The following LMNA variants were observed in gnomAD, a reference collection of about 807,000 sequenced individuals.
LMNA encodes the protein lamin.
LMNA carries 20 observed loss-of-function variants against 70.4 expected under a neutral mutation model. The observed-to-expected ratio is 0.28, with a 90% CI of 0.20 to 0.41. The LOEUF is 0.41. Among genes scored for constraint, LMNA ranks in the 10% least tolerant of loss-of-function variants. The pLI, the probability that LMNA is intolerant of heterozygous loss-of-function variation, is 1.00. For synonymous variants in LMNA, 339 were observed against 372.8 expected (o/e 0.91, Z 1.04); for missense variants, 652 against 917.2 (o/e 0.71, Z 3.73).
intron 3 of LMNA, among the ~76,000 whole-genome samples, chr1:156,093,298 A>AG (rs1399858052): frequency 3.6e-4 from 49 of 137,228 alleles, no homozygotes; most frequent in South Asian, 9.1e-4. Context: ...TTTATATGTC[A>AG]ATTTTTTTTT....
chr1:156,124,446 G>A (rs1372144752), intron 1 of LMNA, among the ~76,000 whole-genome samples: 2 of 152,142 alleles, frequency 1.3e-5, no homozygotes, highest in Non-Finnish European at 2.9e-5. Context: ...CCGCCACCAT[G>A]CCTGGCTAAT....
At position 156,137,957 on chromosome 1, in the gene LMNA, T is replaced by A; in HGVS notation, c.1698+214T>A. ...TGCCCTACTCTGGTAAGGAAGGGAG[T>A]GGGAACTTTCTGATGCCATGGAATA... On this transcript the variant is annotated intron_variant, in intron 10 of 11. Transcript: ENST00000368300. This position sits in a 1 kb window ranked among gnomAD's most constrained non-coding sequence, Gnocchi z 4.6. The A allele has an allele frequency of 1.0e-6, 1 of 989,616 alleles. No homozygotes were observed. The highest frequency in any genetic ancestry group is 1.7e-5 in the South Asian group (1 of 59,232). 61.3% of individuals were successfully genotyped at this position (989,616 alleles called of 1,614,324 possible).
At chr1:156,101,792 G>C (rs1169153003) in intron 3 of LMNA, among the ~76,000 whole-genome samples, 2 of 152,224 alleles carry the variant, frequency 1.3e-5, no homozygotes, top group Non-Finnish European at 2.9e-5. Flanking sequence ...GAGCAGACCA[G>C]AGAGCTGGAG....
rs1404811179 is a variant in LMNA, at chr1:156,114,891, C to T, written c.-28C>T. 12 of 1,484,916 alleles carry T rather than the reference C, an allele frequency of 8.1e-6. No individual in the cohort carries two copies. The highest frequency in any genetic ancestry group is 1.1e-5 in the Non-Finnish European group (12 of 1,106,134). 92.0% of individuals were successfully genotyped at this position (1,484,916 alleles called of 1,614,324 possible). On this transcript the variant is annotated 5_prime_UTR_variant, in exon 1 of 12. Coordinates refer to ENST00000368300, the MANE Select transcript of LMNA (RefSeq NM_170707.4). ...CGCGCCCTTTCCGGGACCCCTGCCC[C>T]GCGGGCAGCGCTGCCAACCTGCCGG...
intron 3 of LMNA, among the ~76,000 whole-genome samples, chr1:156,105,708 G>T (rs1649306662): frequency 6.6e-6 from 1 of 152,148 alleles, no homozygotes; most frequent in Non-Finnish European, 1.5e-5. Flanking sequence ...CTTTCCACAT[G>T]ATCCCATGTC....
In LMNA at chr1:156,130,602, C is replaced by T. The variant is rs779619961; in HGVS notation, c.357-15C>T. 1.9e-6 allele frequency: 3 copies of T among 1,613,570 alleles called. No homozygotes were observed. The highest frequency in any genetic ancestry group is 1.7e-5 in the Admixed American group (1 of 60,010). On this transcript the variant is annotated splice_polypyrimidine_tract_variant and intron_variant, in intron 1 of 11. Coordinates refer to ENST00000368300, the MANE Select transcript of LMNA (RefSeq NM_170707.4). ...GACTCCTTCTCTTAAATCTACTCTC[C>T]CCTCTCTTCTTTAGCAATACCAAGA...
rs1649720033 is a variant in LMNA at position 156,115,083 on chromosome 1, G to A, written c.165G>A (p.Glu55=). 1 of 1,596,258 alleles carries A rather than the reference G, an allele frequency of 6.3e-7. No individual in the cohort carries two copies. The highest frequency in any genetic ancestry group is 8.5e-7 in the Non-Finnish European group (1 of 1,171,594). The part of the protein sequence containing the change: ...YIDRVRSLET[E]NAGLRLRITE... ...ACCGTGTGCGCTCGCTGGAAACGGA[G>A]AACGCAGGGCTGCGCCTTCGCATCA... Residue 55 remains glutamate, a synonymous_variant, in exon 1 of 12, where the codon GAG becomes GAA. Coordinates refer to ENST00000368300, the MANE Select transcript of LMNA (RefSeq NM_170707.4). The surrounding 1 kb of genome is among the most constrained non-coding windows in gnomAD (Gnocchi z 5.8).
upstream of LMNA, among the ~76,000 whole-genome samples, chr1:156,113,486 G>A (rs542510666): frequency 8.3e-4 from 126 of 152,240 alleles, no homozygotes; most frequent in African/African-American, 2.9e-3. Flanking sequence ...GAGTGATCTC[G>A]TTTTGTGAGA....
intron 3 of LMNA, among the ~76,000 whole-genome samples, chr1:156,094,619 G>A (rs1648843785): frequency 6.6e-6 from 1 of 152,170 alleles, no homozygotes; most frequent in African/African-American, 2.4e-5. Context: ...AAAGTGCTGG[G>A]ATTACAGGCG....
chr1:156,127,425 A>G (rs1650679289), intron 1 of LMNA, among the ~76,000 whole-genome samples: 2 of 151,574 alleles, frequency 1.3e-5, no homozygotes, highest in Middle Eastern at 3.4e-3. Flanking sequence ...TCTCATCTGC[A>G]GGGTGTGTCT....
Position 156,135,979 on chromosome 1 carries a change from G to GCGAGC in LMNA, c.1017_1018insAGCCG (p.Glu340SerfsTer142). The GCGAGC allele has an allele frequency of 6.2e-7, 1 of 1,614,138 alleles. No homozygotes were observed. The highest frequency in any genetic ancestry group is 8.5e-7 in the Non-Finnish European group (1 of 1,180,038). The stretch of plus-strand genomic sequence containing the variant: ...GCGGGACACCAGCCGGCGGCTGCTG[G>GCGAGC]CGGAAAAGGAGCGGGAGATGGCCGA... On this transcript the variant is annotated frameshift_variant, in exon 6 of 12. Coordinates refer to ENST00000368300, the MANE Select transcript of LMNA (RefSeq NM_170707.4). LOFTEE classifies it high-confidence loss of function. This position sits in a 1 kb window ranked among gnomAD's most constrained non-coding sequence, Gnocchi z 4.8.
chr1:156,088,299 T>A (rs546473934), intron 2 of LMNA, among the ~76,000 whole-genome samples: 4 of 152,352 alleles, frequency 2.6e-5, no homozygotes, highest in African/African-American at 9.6e-5. Flanking sequence ...TTAATTAATT[T>A]AATTTAATTT....
intron 2 of LMNA, among the ~76,000 whole-genome samples, chr1:156,086,121 G>A (rs1185002460): frequency 6.6e-6 from 1 of 152,228 alleles, no homozygotes; most frequent in Admixed American, 6.5e-5. Context: ...ATCAGTTTTA[G>A]TTTCCTGGCC....
intron 1 of LMNA, among the ~76,000 whole-genome samples, chr1:156,125,809 C>G (rs1050228993): frequency 6.6e-6 from 1 of 151,756 alleles, no homozygotes; most frequent in African/African-American, 2.4e-5. Context: ...GCCAACATGG[C>G]AAAACTCCGT....
chr1:156,135,119 C>A lies in LMNA; in HGVS notation c.811-68C>A. 1.2e-6 allele frequency: 2 copies of A among 1,612,604 alleles called. No individual in the cohort carries two copies. Among genetic ancestry groups the A allele is most frequent in the Non-Finnish European group, 1.7e-6 (2 of 1,179,076 alleles). On this transcript the variant is annotated intron_variant, in intron 4 of 11. Transcript: ENST00000368300. The surrounding 1 kb of genome is among the most constrained non-coding windows in gnomAD (Gnocchi z 4.8). ...AGGACCTGGGGCTGTAGCAGTGATG[C>A]CCAACTCAGGCCTGTGCCTCCACCC...
At chr1:156,120,115 C>G (rs900187826) in intron 1 of LMNA, among the ~76,000 whole-genome samples, 1 of 152,240 alleles carries the variant, frequency 6.6e-6, no homozygotes, top group Non-Finnish European at 1.5e-5. Flanking sequence ...TGCTTGACAA[C>G]TTCCTGGATT....
intron 3 of LMNA, among the ~76,000 whole-genome samples, chr1:156,098,658 T>C (rs1400886350): frequency 1.3e-5 from 2 of 152,148 alleles, no homozygotes; most frequent in Non-Finnish European, 2.9e-5. Flanking sequence ...CAGGATACCC[T>C]ACCTGCAGGC....
At chr1:156,123,510 C>T (rs1019094262) in intron 1 of LMNA, 1 of 152,414 alleles carries the variant, frequency 6.6e-6, no homozygotes, top group African/African-American at 2.4e-5. Context: ...GCTGAATTGG[C>T]TTCTTGTGAA....
Position 156,139,984 on chromosome 1 carries a change from G to A in LMNA, c.*878G>A. The A allele has an allele frequency of 1.4e-6, 1 of 712,176 alleles. No homozygotes were observed. The highest frequency in any genetic ancestry group is 3.2e-5 in the East Asian group (1 of 31,338). 44.1% of individuals were successfully genotyped at this position (712,176 alleles called of 1,614,324 possible). A position where few individuals can be genotyped will look rare whatever the true frequency, so the allele number is the denominator to read the frequency against. On this transcript the variant is annotated 3_prime_UTR_variant, in exon 12 of 12. Transcript: ENST00000368300. ...GGAAGGCAAGAGGGGGTGGAGGGGT[G>A]TGGCAGTGGTTTTGGCAAACGCTAA...
Sources: gnomAD v4.1 joint callset for allele counts (sites outside exome capture counted in the v4.1 genomes callset) on GRCh38, gnomAD v4.1.1 for gene constraint, Gnocchi (gnomAD v3.1) non-coding constraint, MANE v1.5 for transcripts, NCBI Gene and HGNC (gene_info 2026-07-23, HGNC 2026-07-21) for gene names.